The following SON variants were observed in gnomAD, a reference collection of about 807,000 sequenced individuals.
SON encodes protein SON.
In SON, 4 loss-of-function variants were observed where a neutral mutation model predicts 173.3. The ratio of observed to expected loss-of-function variants is 0.02; its 90% confidence interval spans 0.01 to 0.05. The LOEUF (loss-of-function observed/expected upper bound fraction) is 0.05, where lower values mean the gene tolerates loss of function less well. SON is among the 10% of genes least tolerant of loss of function. The pLI is 1.00. For missense variants in SON, 2,626 were observed against 3,055.3 expected, an observed-to-expected ratio of 0.86 and a Z score of 3.31; for synonymous variants, 1,190 against 1,105.9, an observed-to-expected ratio of 1.08 and a Z score of -1.51.
At position 33,549,819 on chromosome 21, in the gene SON, A is replaced by G. The variant is rs374453233; in HGVS notation, c.588A>G (p.Val196=). The G allele has an allele frequency of 1.2e-6, 2 of 1,614,250 alleles. No homozygotes were observed. Among genetic ancestry groups the G allele is most frequent in the East Asian group, 2.2e-5 (1 of 44,888 alleles). Reference sequence around the variant, plus strand: ...AACCTCCTGTAGTATCAATGGAGGTATCAGAGCCACACATCTTAGAAACTC... The same window carrying G: ...AACCTCCTGTAGTATCAATGGAGGTGTCAGAGCCACACATCTTAGAAACTC... ...VLEPPVVSME[V]SEPHILETLK... The change falls in exon 3 of 12, where the codon GTA becomes GTG. Residue 196 remains valine (V), a synonymous_variant. Transcript: ENST00000356577.
At chr21:33,564,067 A>AC (rs906427679) in intron 6 of SON, among the ~76,000 whole-genome samples, 2 of 152,228 alleles carry the variant, frequency 1.3e-5, no homozygotes, top group Non-Finnish European at 2.9e-5. Context: ...GTATTGGTAG[A>AC]AACTAAGGCT....
At chr21:33,561,772 C>T (rs139401939) in intron 6 of SON, among the ~76,000 whole-genome samples, 19 of 152,196 alleles carry the variant, frequency 1.2e-4, no homozygotes, top group Non-Finnish European at 2.1e-4. Flanking sequence ...ATTCTTAAAT[C>T]TGGTGGGAAA....
intron 7 of SON, among the ~76,000 whole-genome samples, chr21:33,568,326 C>G (rs1474652979): frequency 1.3e-5 from 2 of 152,292 alleles, no homozygotes; most frequent in South Asian, 4.1e-4. Flanking sequence ...AACCCTGTCT[C>G]GACTAAAAAT....
chr21:33,552,024 C>T lies in SON; in HGVS notation c.2793C>T (p.Gly931=), dbSNP rs1045287903. Residue 931 remains glycine (G), a synonymous_variant, in exon 3 of 12, where the codon GGC becomes GGT. Transcript: ENST00000356577. This position sits in a 1 kb window ranked among gnomAD's most constrained non-coding sequence, Gnocchi z 5.6. The part of the protein sequence containing the change: ...YRLAQDPYRL[G]HDPYRLGHDA... ...TAGCTCAGGATCCCTATAGGTTGGGCCATGACCCCTATAGATTAGGTCATG... is the reference window on the plus strand; with the variant it reads ...TAGCTCAGGATCCCTATAGGTTGGGTCATGACCCCTATAGATTAGGTCATG... 1 of 1,614,080 alleles carries T rather than the reference C, an allele frequency of 6.2e-7. No individual in the cohort carries two copies. The highest frequency in any genetic ancestry group is 1.6e-4 in the Middle Eastern group (1 of 6,062).
intron 1 of SON, 59 bp downstream of exon 1, chr21:33,543,228 C>T: frequency 7.1e-7 from 1 of 1,417,594 alleles, no homozygotes; most frequent in Non-Finnish European, 1.0e-6. Flanking sequence ...ACCTAGCCTT[C>T]TTTGGCACCT....
At chr21:33,543,384 C>G (rs764931384) in intron 1 of SON, 2 of 597,000 alleles carry the variant, frequency 3.4e-6, no homozygotes, top group Non-Finnish European at 3.0e-6. Flanking sequence ...CCGAGGTAAC[C>G]CAAGACTCCC....
chr21:33,561,788 A>C (rs573494177), intron 6 of SON, among the ~76,000 whole-genome samples: 19 of 152,324 alleles, frequency 1.2e-4, no homozygotes, highest in African/African-American at 4.3e-4. Flanking sequence ...GGAAAAGTTG[A>C]TAGAGAAAGG....
Position 33,553,489 on chromosome 21 carries a change from C to T in SON, c.4258C>T (p.Leu1420=). 6.2e-7 allele frequency: 1 copy of T among 1,614,206 alleles called. No individual in the cohort carries two copies. Among genetic ancestry groups the T allele is most frequent in the Non-Finnish European group, 8.5e-7 (1 of 1,180,044 alleles). The change falls in exon 3 of 12, where the codon CTG becomes TTG. Residue 1420 remains leucine (L), a synonymous_variant. Transcript: ENST00000356577. ...VSALEPSVPV[L]EPAVSVLQPS... ...TGCGCTGGAGCCTTCTGTGCCTGTT[C>T]TGGAACCAGCGGTGTCAGTCCTTCA...
At chr21:33,572,559 C>CT in intron 8 of SON, 4 of 1,304,114 alleles carry the variant, frequency 3.1e-6, no homozygotes, top group Non-Finnish European at 2.0e-6. Flanking sequence ...AGGGCCAAAT[C>CT]CTTGTAGCTG....
chr21:33,574,662 C>T lies in SON; in HGVS notation c.7034-934C>T, dbSNP rs185744740. Among the ~76,000 whole-genome samples, 31 of 152,226 alleles carry T rather than the reference C, an allele frequency of 2.0e-4. 1 individual carries two copies. The South Asian group carries it at 3.7e-3, about 18-fold the overall frequency. ...CCTCTTCAGATTTGGGATGCTTGAC[C>T]GCTAAATACAATGCAAATATTTGAA... On this transcript the variant is annotated intron_variant, in intron 9 of 11. Transcript: ENST00000356577.
At chr21:33,560,292 A>T (rs756770027) in intron 6 of SON, 123 of 1,415,230 alleles carry the variant, frequency 8.7e-5, no homozygotes, top group Non-Finnish European at 1.1e-4. Context: ...GTTGTTTGTC[A>T]GATAGCCTTT....
In SON at chr21:33,550,471, C is replaced by T; in HGVS notation, c.1240C>T (p.Pro414Ser). The T allele has an allele frequency of 6.2e-7, 1 of 1,613,836 alleles. No homozygotes were observed. The highest frequency in any genetic ancestry group is 8.5e-7 in the Non-Finnish European group (1 of 1,179,964). The change falls in exon 3 of 12, where the codon CCA (proline) becomes TCA (serine). Residue 414 changes from proline (P) to serine (S), a missense_variant. Pro to Ser is a moderately conservative substitution (Grantham distance 74, BLOSUM62 -1). Coordinates refer to ENST00000356577, the MANE Select transcript of SON (RefSeq NM_138927.4). ...ACCTGGGCCCTCTGCTACCCCGGTG[C>T]CAGAGTTGCCAGGGCCCCTTTCTAC... ...ELPGPSATPV[P>S]ELPGPLSTPV...
rs1434866818 is a variant in SON at position 33,553,042 on chromosome 21, G to A, written c.3811G>A (p.Glu1271Lys). The change falls in exon 3 of 12, where the codon GAA (glutamate) becomes AAA (lysine). Residue 1271 changes from glutamate to lysine, a missense_variant. By Grantham distance (56) the Glu-to-Lys change is moderately conservative. Coordinates refer to ENST00000356577, the MANE Select transcript of SON (RefSeq NM_138927.4). ...LTPVESAVVA[E>K]EHEVVPERPV... ...ACCTGTAGAGTCTGCAGTAGTAGCA[G>A]AAGAACATGAAGTTGTTCCAGAGAG... 2 of 1,612,640 alleles carry A rather than the reference G, an allele frequency of 1.2e-6. No homozygotes were observed. The highest frequency in any genetic ancestry group is 2.7e-5 in the African/African-American group (2 of 74,888).
At position 33,550,569 on chromosome 21, in the gene SON, G is replaced by T. The variant is rs1229301779; in HGVS notation, c.1338G>T (p.Val446=). 6.2e-7 allele frequency: 1 copy of T among 1,613,800 alleles called. No homozygotes were observed. Among genetic ancestry groups the T allele is most frequent in the African/African-American group, 1.3e-5 (1 of 74,846 alleles). The change falls in exon 3 of 12, where the codon GTG becomes GTT. Residue 446 remains valine, a synonymous_variant. Coordinates refer to ENST00000356577, the MANE Select transcript of SON (RefSeq NM_138927.4). The stretch of plus-strand genomic sequence containing the variant: ...TGCCAGGGCCCTCTGTGACACCAGT[G>T]CCACAGTTGTCGCAGGAATTGCCAG... ...PELPGPSVTP[V]PQLSQELPGL... is the part of the protein sequence containing the mutation.
Position 33,550,424 on chromosome 21 carries a change from C to A in SON, c.1193C>A (p.Pro398His). ...TCCATGCCGGAGTTGCAGGGGCCCC[C>A]TGTGACTCCAGTGCTGGAGTTACCT... Reference protein sequence around the residue: ...ATSMPELQGPPVTPVLELPGP... With the variant: ...ATSMPELQGPHVTPVLELPGP... The change falls in exon 3 of 12, where the codon CCT (proline) becomes CAT (histidine). Residue 398 changes from proline to histidine, a missense_variant. This residue lies in a region of SON where 757 missense variants were observed against 730.1 expected (regional missense o/e 1.04). Transcript: ENST00000356577. The A allele has an allele frequency of 6.2e-7, 1 of 1,613,874 alleles. No individual in the cohort carries two copies. The highest frequency in any genetic ancestry group is 1.1e-5 in the South Asian group (1 of 91,072).
At position 33,552,366 on chromosome 21, in the gene SON, C is replaced by T. The variant is rs142436841; in HGVS notation, c.3135C>T (p.Tyr1045=). The part of the protein sequence containing the change: ...SAYERSMMSA[Y]ERSMMSPMAE... ...ACGAGCGCTCTATGATGTCAGCCTA[C>T]GAGCGCTCTATGATGTCCCCTATGG... The change falls in exon 3 of 12, where the codon TAC becomes TAT. Residue 1045 remains tyrosine, a synonymous_variant. Transcript: ENST00000356577. This position sits in a 1 kb window ranked among gnomAD's most constrained non-coding sequence, Gnocchi z 5.6. 190 of 1,613,166 alleles carry T rather than the reference C, an allele frequency of 1.2e-4. No homozygotes were observed. Among genetic ancestry groups the T allele is most frequent in the Admixed American group, 2.8e-4 (17 of 59,908 alleles).
At chr21:33,546,603 A>C in intron 2 of SON, 1 of 313,268 alleles carries the variant, frequency 3.2e-6, no homozygotes, top group Non-Finnish European at 5.9e-6. Flanking sequence ...AACATGGAGA[A>C]ACCCCCATCT....
chr21:33,555,371 C>A lies in SON; in HGVS notation c.6140C>A (p.Pro2047His). Residue 2047 changes from proline (P) to histidine (H), a missense_variant, in exon 3 of 12, where the codon CCC (proline) becomes CAC (histidine). Pro to His is a moderately conservative substitution (Grantham distance 77). Transcript: ENST00000356577. ...RSRSSERGRS[P>H]KRLTDLDKAQ... Reference sequence around the variant, plus strand: ...AGGTCTTCTGAACGAGGCAGATCACCCAAACGTCTGACAGATTTGGGTGAG... The same window carrying A: ...AGGTCTTCTGAACGAGGCAGATCACACAAACGTCTGACAGATTTGGGTGAG... The A allele has an allele frequency of 6.4e-7, 1 of 1,558,500 alleles. No individual in the cohort carries two copies. Among genetic ancestry groups the A allele is most frequent in the Non-Finnish European group, 8.7e-7 (1 of 1,149,662 alleles).
intron 1 of SON, among the ~76,000 whole-genome samples, chr21:33,544,531 C>T (rs886287219): frequency 6.7e-6 from 1 of 150,370 alleles, no homozygotes; most frequent in Admixed American, 6.8e-5. Flanking sequence ...TTGATATTCT[C>T]ATGTCATTTC....
Sources: gnomAD v4.1 joint callset for allele counts (sites outside exome capture counted in the v4.1 genomes callset) on GRCh38, gnomAD v4.1.1 for gene constraint, gnomAD v4.1.1 regional missense constraint, Gnocchi (gnomAD v3.1) non-coding constraint, MANE v1.5 for transcripts, NCBI Gene and HGNC (gene_info 2026-07-23, HGNC 2026-07-21) for gene names.